The following SF3B1 variants were observed in gnomAD, a reference collection of about 807,000 sequenced individuals.
The protein encoded by SF3B1 is pre-mRNA processing 10.
A neutral mutation model predicts 153.8 loss-of-function variants in SF3B1; 12 were observed. The observed-to-expected ratio is 0.08, with a 90% CI of 0.05 to 0.13. The LOEUF (loss-of-function observed/expected upper bound fraction) is 0.13, where lower values mean the gene tolerates loss of function less well. Ranked by LOEUF, SF3B1 falls within the 10% of genes least tolerant of loss-of-function variation. The pLI is 1.00. For missense variants in SF3B1, 513 were observed against 1,606.1 expected (o/e 0.32, Z 11.63); for synonymous variants, 498 against 525.2 (o/e 0.95, Z 0.71).
chr2:197,416,561 C>T (rs985565954), intron 6 of SF3B1, 180 bp downstream of exon 6: 4 of 549,788 alleles, frequency 7.3e-6, no homozygotes, highest in Non-Finnish European at 1.3e-5. Context: ...TCAACAAACA[C>T]CAACCCTGTT....
chr2:197,407,907 G>A, intron 9 of SF3B1, 91 bp downstream of exon 9: 3 of 1,155,700 alleles, frequency 2.6e-6, no homozygotes, highest in Non-Finnish European at 3.8e-6. Context: ...AGTAAATTTG[G>A]GCAAAGCCAA....
chr2:197,426,950 C>A (rs1019031494), intron 1 of SF3B1, among the ~76,000 whole-genome samples: 3 of 152,196 alleles, frequency 2.0e-5, no homozygotes, highest in African/African-American at 7.2e-5. Context: ...TATCAGGCAT[C>A]TCTCTTATTT....
rs1178560396 is a variant in SF3B1, at chr2:197,400,198, C to T, written c.2902-32G>A. On this transcript the variant is annotated intron_variant, in intron 19 of 24. Transcript: ENST00000335508. The surrounding 1 kb of genome is among the most constrained non-coding windows in gnomAD (Gnocchi z 5.0). ...TAAAACAAATAATGTTAAAATGTTA[C>T]TATTTACATTAAACTATTTGGGGAA... The T allele has an allele frequency of 3.1e-6, 5 of 1,606,002 alleles. No homozygotes were observed. Among genetic ancestry groups the T allele is most frequent in the Non-Finnish European group, 4.3e-6 (5 of 1,173,026 alleles).
chr2:197,430,516 AC>A (rs1326096734), intron 1 of SF3B1, among the ~76,000 whole-genome samples: 1 of 152,174 alleles, frequency 6.6e-6, no homozygotes, highest in Non-Finnish European at 1.5e-5. Context: ...GTGCAGTGGC[AC>A]GATCTCGGCT....
At position 197,401,277 on chromosome 2, in the gene SF3B1, T is replaced by C; in HGVS notation, c.2496+123A>G. On this transcript the variant is annotated intron_variant, in intron 17 of 24. Transcript: ENST00000335508. This position sits in a 1 kb window ranked among gnomAD's most constrained non-coding sequence, Gnocchi z 4.2. ...GCTGACTAAAATCCATCTCCTTTCA[T>C]AATCAAGCACATATAAACTGTGAGA... 1 of 893,184 alleles carries C rather than the reference T, an allele frequency of 1.1e-6. No homozygotes were observed. The highest frequency in any genetic ancestry group is 1.7e-6 in the Non-Finnish European group (1 of 579,156). The allele number at this position is 893,184 out of a possible 1,614,324, so 55.3% of individuals were successfully genotyped here.
Position 197,420,553 on chromosome 2 carries a change from GTA to G in SF3B1, c.301-13_301-12del. 6.5e-7 allele frequency: 1 copy of G among 1,534,776 alleles called. No homozygotes were observed. Among genetic ancestry groups the G allele is most frequent in the South Asian group, 1.2e-5 (1 of 84,520 alleles). ...AGCAAATGGATCATACTGAAAAGAG[GTA>G]TGTCTCACTTAATATCCACTTTATT... is the stretch of plus-strand genomic sequence containing the variant. On this transcript the variant is annotated splice_polypyrimidine_tract_variant and intron_variant, in intron 3 of 24. Transcript: ENST00000335508.
At chr2:197,395,635 T>C (rs1401245622) in intron 23 of SF3B1, among the ~76,000 whole-genome samples, 2 of 152,234 alleles carry the variant, frequency 1.3e-5, no homozygotes, top group Non-Finnish European at 2.9e-5. Context: ...AGTGTAGTTC[T>C]GGCAGGCTAT....
intron 22 of SF3B1, 66 bp from the exon 23 acceptor site, chr2:197,396,394 T>C: frequency 7.4e-7 from 1 of 1,352,484 alleles, no homozygotes; most frequent in Non-Finnish European, 1.0e-6. Context: ...AAGAAAAAAA[T>C]GCATAAAGAT....
chr2:197,403,680 G>A lies in SF3B1; in HGVS notation c.1624C>T (p.Pro542Ser). The part of the protein sequence containing the change: ...FNQILPLLMS[P>S]TLEDQERHLL... Reference sequence around the variant, plus strand: ...TGACGCTCTTGATCCTCAAGTGTAGGAGACATCAGCAGAGGAAGAATCTGA... The same window carrying A: ...TGACGCTCTTGATCCTCAAGTGTAGAAGACATCAGCAGAGGAAGAATCTGA... Residue 542 changes from proline (P) to serine (S), a missense_variant, in exon 12 of 25, where the codon CCT becomes TCT. Physicochemically the swap from Pro to Ser is moderately conservative, Grantham distance 74. Transcript: ENST00000335508. 6.2e-7 allele frequency: 1 copy of A among 1,600,258 alleles called. No homozygotes were observed. The highest frequency in any genetic ancestry group is 8.5e-7 in the Non-Finnish European group (1 of 1,175,754).
At chr2:197,418,907 T>C in intron 4 of SF3B1, 1 of 1,596,670 alleles carries the variant, frequency 6.3e-7, no homozygotes, top group East Asian at 2.2e-5. Context: ...CTTTCGTGCC[T>C]TTGTCTCCAT....
chr2:197,409,692 G>T (rs1574536104), intron 7 of SF3B1, 78 bp downstream of exon 7: 2 of 1,133,050 alleles, frequency 1.8e-6, no homozygotes, highest in Non-Finnish European at 2.7e-6. Context: ...GTCCACCCAG[G>T]AATAAACAGA....
At chr2:197,407,161 T>C (rs564221464) in intron 9 of SF3B1, among the ~76,000 whole-genome samples, 1 of 152,280 alleles carries the variant, frequency 6.6e-6, no homozygotes, top group East Asian at 1.9e-4. Context: ...GAAAAAGCTC[T>C]GTAAAGGCCA....
chr2:197,408,485 C>T lies in SF3B1; in HGVS notation c.1001G>A (p.Arg334Lys). 1 of 1,614,000 alleles carries T rather than the reference C, an allele frequency of 6.2e-7. No homozygotes were observed. Among genetic ancestry groups the T allele is most frequent in the Non-Finnish European group, 8.5e-7 (1 of 1,180,026 alleles). ...TGGTGTTTCATCCCACCGTGATTTTCTTTTACTGGCTCCAGGAGTCGGTGT... is the reference window on the plus strand; with the variant it reads ...TGGTGTTTCATCCCACCGTGATTTTTTTTTACTGGCTCCAGGAGTCGGTGT... ...GETPTPGASKRKSRWDETPAS... is the reference protein window; with the variant it reads ...GETPTPGASKKKSRWDETPAS... Residue 334 changes from arginine (R) to lysine (K), a missense_variant, in exon 8 of 25, where the codon AGA (arginine) becomes AAA (lysine). Physicochemically the swap from Arg to Lys is conservative, Grantham distance 26. Coordinates refer to ENST00000335508, the MANE Select transcript of SF3B1 (RefSeq NM_012433.4).
At position 197,416,845 on chromosome 2, in the gene SF3B1, C is replaced by T. The variant is rs2106005103; in HGVS notation, c.562G>A (p.Ala188Thr). ...CGTTTTGATGGAGGCTGGGACGCTG[C>T]TGCTCCATTGACGACTTTTAGTTCT... ...AGELKVVNGA[A>T]ASQPPSKRKR... The change falls in exon 6 of 25, where the codon GCA becomes ACA. Residue 188 changes from alanine (A) to threonine (T), a missense_variant. This residue lies in a region of SF3B1 where 45 missense variants were observed against 65.5 expected (regional missense o/e 0.69). Coordinates refer to ENST00000335508, the MANE Select transcript of SF3B1 (RefSeq NM_012433.4). 1.2e-6 allele frequency: 2 copies of T among 1,614,112 alleles called. No homozygotes were observed. Among genetic ancestry groups the T allele is most frequent in the Non-Finnish European group, 1.7e-6 (2 of 1,179,964 alleles).
chr2:197,423,757 T>C, intron 2 of SF3B1, 51 bp downstream of exon 2: 1 of 1,562,586 alleles, frequency 6.4e-7, no homozygotes. Context: ...TATTCATATT[T>C]CTTGCTCTCT....
At chr2:197,393,232 A>G (rs878963920) in intron 23 of SF3B1, 44 bp from the exon 24 acceptor site, 1 of 1,272,706 alleles carries the variant, frequency 7.9e-7, no homozygotes, top group African/African-American at 1.5e-5. Flanking sequence ...CGGTCTTATA[A>G]GAAAGGGGGA....
chr2:197,421,322 A>C (rs988083322), intron 2 of SF3B1, among the ~76,000 whole-genome samples, 189 bp from the exon 3 acceptor site: 4 of 152,228 alleles, frequency 2.6e-5, no homozygotes, highest in Non-Finnish European at 4.4e-5. Context: ...CAATTCAGTA[A>C]AGTTATCTTT....
At chr2:197,405,895 T>C (rs1307797684) in intron 9 of SF3B1, among the ~76,000 whole-genome samples, 1 of 152,046 alleles carries the variant, frequency 6.6e-6, no homozygotes, top group Non-Finnish European at 1.5e-5. Flanking sequence ...ATTTTAGTAT[T>C]AAAATGTCAC....
chr2:197,430,402 T>G (rs2085408689), intron 1 of SF3B1, among the ~76,000 whole-genome samples: 1 of 152,278 alleles, frequency 6.6e-6, no homozygotes, highest in Middle Eastern at 3.4e-3. Context: ...TTGTAACTGT[T>G]GAAGCTAGGT....
Sources: allele counts gnomAD v4.1 joint callset (sites outside exome capture counted in the v4.1 genomes callset), GRCh38; gene constraint gnomAD v4.1.1; regional missense constraint gnomAD v4.1.1; non-coding constraint Gnocchi (gnomAD v3.1); transcripts MANE v1.5; gene names NCBI Gene and HGNC (gene_info 2026-07-23, HGNC 2026-07-21).